PDS5A: variants seen among roughly 807,000 people sequenced by gnomAD.
PDS5A encodes sister chromatid cohesion protein PDS5 homolog A.
In PDS5A, 42 loss-of-function variants were observed where a neutral mutation model predicts 167.1. That is an observed-to-expected ratio of 0.25 (90% CI 0.20 to 0.33). The LOEUF is 0.33. Ranked by LOEUF, PDS5A falls within the 10% of genes least tolerant of loss-of-function variation. PDS5A has a pLI of 1.00. For synonymous variants in PDS5A, 553 were observed against 554.6 expected, an observed-to-expected ratio of 1.00 and a Z score of 0.04; for missense variants, 1,033 against 1,605.9, an observed-to-expected ratio of 0.64 and a Z score of 6.10.
chr4:39,930,516 T>G (rs1422805375), intron 2 of PDS5A, among the ~76,000 whole-genome samples: 3 of 152,088 alleles, frequency 2.0e-5, no homozygotes, highest in Non-Finnish European at 4.4e-5. Context: ...TTTACTATTT[T>G]AGTCCAAGTT....
intron 32 of PDS5A, among the ~76,000 whole-genome samples, chr4:39,827,921 A>G (rs1715466026): frequency 6.6e-6 from 1 of 152,214 alleles, no homozygotes; most frequent in African/African-American, 2.4e-5. Flanking sequence ...CAGCAAATCT[A>G]TTCAGAACAT....
At position 39,865,415 on chromosome 4, in the gene PDS5A, C is replaced by T. The variant is rs1002617926; in HGVS notation, c.2642+1446G>A. 3.9e-5 allele frequency among the ~76,000 whole-genome samples: 6 copies of T among 152,142 alleles called. No homozygotes were observed. In the South Asian group the frequency reaches 6.2e-4, roughly 16 times the overall value. On this transcript the variant is annotated intron_variant, in intron 23 of 32. Coordinates refer to ENST00000303538, the MANE Select transcript of PDS5A (RefSeq NM_001100399.2). ...GGCTTATTCTATGATAAAAATAGAGCGTAGTGGTGCACACCTATAGTCCCA... is the reference window on the plus strand; with the variant it reads ...GGCTTATTCTATGATAAAAATAGAGTGTAGTGGTGCACACCTATAGTCCCA...
At chr4:39,933,497 A>C (rs1187861221) in intron 2 of PDS5A, 2 of 152,206 alleles carry the variant, frequency 1.3e-5, no homozygotes, top group Non-Finnish European at 2.9e-5. Context: ...CACTAAACTA[A>C]CAGTTCCACT....
At chr4:39,930,108 A>C (rs1003828057) in intron 2 of PDS5A, among the ~76,000 whole-genome samples, 3 of 148,106 alleles carry the variant, frequency 2.0e-5, no homozygotes, top group African/African-American at 5.0e-5. Context: ...CCAGCTACTC[A>C]GGAGGCTGAG....
chr4:39,844,774 C>G lies in PDS5A; in HGVS notation c.3430G>C (p.Val1144Leu). 6.2e-7 allele frequency: 1 copy of G among 1,612,608 alleles called. No individual in the cohort carries two copies. The highest frequency in any genetic ancestry group is 8.5e-7 in the Non-Finnish European group (1 of 1,179,512). The change falls in exon 30 of 33, where the codon GTA becomes CTA. Residue 1144 changes from valine to leucine, a missense_variant. Physicochemically the swap from Val to Leu is conservative, Grantham distance 32. Coordinates refer to ENST00000303538, the MANE Select transcript of PDS5A (RefSeq NM_001100399.2). ...KPKPAGVLGA[V>L]NKPLSATGRK... ...CCCGTTGCTGATAAAGGCTTATTTA[C>G]TGCACCTAGTACTCCAGCAGGCTTT...
intron 2 of PDS5A, among the ~76,000 whole-genome samples, chr4:39,949,938 T>C (rs1429332264): frequency 6.6e-6 from 1 of 151,916 alleles, no homozygotes; most frequent in African/African-American, 2.4e-5. Context: ...CAGAGTTTGC[T>C]CTTGTTGCCC....
intron 30 of PDS5A, among the ~76,000 whole-genome samples, chr4:39,842,316 A>C (rs1169561713): frequency 2.0e-5 from 3 of 152,234 alleles, no homozygotes; most frequent in Non-Finnish European, 4.4e-5. Flanking sequence ...TACTTGACAA[A>C]AGGGTTAATT....
chr4:39,943,154 AC>A (rs1727388058), intron 2 of PDS5A, among the ~76,000 whole-genome samples: 1 of 137,548 alleles, frequency 7.3e-6, no homozygotes, highest in Non-Finnish European at 1.6e-5. Flanking sequence ...ACACACACAC[AC>A]ACACACACAC....
chr4:39,900,122 T>G (rs143602007), intron 14 of PDS5A, among the ~76,000 whole-genome samples: 2 of 152,200 alleles, frequency 1.3e-5, no homozygotes, highest in Admixed American at 1.3e-4. Context: ...ATATGATGTT[T>G]AATGTAATTT....
Position 39,877,235 on chromosome 4 carries a change from A to C in PDS5A, c.1993-82T>G, listed in dbSNP as rs190359004. On this transcript the variant is annotated intron_variant, in intron 18 of 32. Transcript: ENST00000303538. ...AGAATTACTTCCCGCAAAAGAAAAAAAAAATTAAATTCTGGGGTAAATATG... is the reference window on the plus strand; with the variant it reads ...AGAATTACTTCCCGCAAAAGAAAAACAAAATTAAATTCTGGGGTAAATATG... 5.2e-3 allele frequency: 4,547 copies of C among 872,204 alleles called. 22 individuals are homozygous for C. The highest frequency in any genetic ancestry group is 6.0e-3 in the Non-Finnish European group (3,492 of 581,896). 54.0% of individuals were successfully genotyped at this position (872,204 alleles called of 1,614,324 possible). A position where few individuals can be genotyped will look rare whatever the true frequency, so the allele number is the denominator to read the frequency against.
intron 13 of PDS5A, among the ~76,000 whole-genome samples, chr4:39,902,011 A>AC (rs1722926316): frequency 6.6e-6 from 1 of 152,132 alleles, no homozygotes; most frequent in African/African-American, 2.4e-5. Flanking sequence ...GAATATGTTC[A>AC]CCCAACAAAG....
intron 2 of PDS5A, among the ~76,000 whole-genome samples, chr4:39,935,812 C>G (rs1726543898): frequency 6.6e-6 from 1 of 152,224 alleles, no homozygotes; most frequent in South Asian, 2.1e-4. Context: ...CTTCAGATAA[C>G]TGTATGGCAG....
chr4:39,953,717 G>A lies in PDS5A; in HGVS notation c.138+22723C>T, dbSNP rs566070850. 2.0e-4 allele frequency among the ~76,000 whole-genome samples: 31 copies of A among 152,190 alleles called. No homozygotes were observed. The East Asian group carries it at 2.9e-3, about 14-fold the overall frequency. On this transcript the variant is annotated intron_variant, in intron 2 of 32. Coordinates refer to ENST00000303538, the MANE Select transcript of PDS5A (RefSeq NM_001100399.2). ...TGCACTCCAGCCTAGGCCACAGAGC[G>A]AGAACCTGTCTCAAAAGAATAAGTA... is the stretch of plus-strand genomic sequence containing the variant.
chr4:39,837,815 A>T, intron 32 of PDS5A, 41 bp downstream of exon 32: 1 of 1,462,100 alleles, frequency 6.8e-7, no homozygotes, highest in Non-Finnish European at 9.3e-7. Context: ...AATAAAACAA[A>T]ATGTCTAAAT....
chr4:39,965,199 G>C (rs1483140778), intron 2 of PDS5A, among the ~76,000 whole-genome samples: 1 of 152,170 alleles, frequency 6.6e-6, no homozygotes, highest in East Asian at 1.9e-4. Context: ...CTCCTCCATG[G>C]TGTCTTGGAA....
chr4:39,946,753 A>G (rs1186003294), intron 2 of PDS5A, among the ~76,000 whole-genome samples: 8 of 151,376 alleles, frequency 5.3e-5, no homozygotes, highest in Non-Finnish European at 1.0e-4. Flanking sequence ...TGTCTCTACT[A>G]AAAATACAAA....
intron 22 of PDS5A, among the ~76,000 whole-genome samples, chr4:39,868,018 ATT>A (rs1719703453): frequency 6.6e-6 from 1 of 152,198 alleles, no homozygotes; most frequent in Admixed American, 6.5e-5. Flanking sequence ...TATTATATTT[ATT>A]GACAACCTGG....
intron 2 of PDS5A, among the ~76,000 whole-genome samples, chr4:39,954,661 A>T (rs543966086): frequency 6.9e-5 from 10 of 144,656 alleles, no homozygotes; most frequent in African/African-American, 2.6e-4. Context: ...CCCATTGTCA[A>T]GAGATAAGTA....
chr4:39,957,384 C>T (rs1729023140), intron 2 of PDS5A, among the ~76,000 whole-genome samples: 1 of 151,984 alleles, frequency 6.6e-6, no homozygotes, highest in South Asian at 2.1e-4. Context: ...TAATTAAGTA[C>T]ATAAAATGTT....
Sources: gnomAD v4.1 joint callset for allele counts (sites outside exome capture counted in the v4.1 genomes callset) on GRCh38, gnomAD v4.1.1 for gene constraint, MANE v1.5 for transcripts, NCBI Gene and HGNC (gene_info 2026-07-23, HGNC 2026-07-21) for gene names.